The following TIGD4 variants were observed in gnomAD, a reference collection of about 807,000 sequenced individuals.
TIGD4 encodes the protein tigger transposable element derived 4.
In TIGD4, 20 loss-of-function variants were observed where a neutral mutation model predicts 24.9. That is an observed-to-expected ratio of 0.80 (90% CI 0.56 to 1.17). TIGD4 has a LOEUF of 1.17. Among genes scored for constraint, TIGD4 ranks in the 50% most tolerant of loss-of-function variants. TIGD4 has a pLI of 0.00. For missense variants in TIGD4, 566 were observed against 591.0 expected (o/e 0.96, Z 0.44); for synonymous variants, 193 against 211.0 (o/e 0.91, Z 0.74).
chr4:152,772,845 G>A (rs1203951928), intron 1 of TIGD4, among the ~76,000 whole-genome samples: 1 of 151,978 alleles, frequency 6.6e-6, no homozygotes, highest in East Asian at 1.9e-4. Flanking sequence ...CCAAGTAGCT[G>A]GGACTACAGG....
chr4:152,774,278 G>A (rs568144018), intron 1 of TIGD4, among the ~76,000 whole-genome samples: 1 of 152,276 alleles, frequency 6.6e-6, no homozygotes, highest in African/African-American at 2.4e-5. Flanking sequence ...GGAAGATTAG[G>A]TTTTTCCCCT....
chr4:152,771,675 G>A (rs1010200866), intron 1 of TIGD4, 133 bp from the exon 2 acceptor site: 1 of 152,128 alleles, frequency 6.6e-6, no homozygotes, highest in African/African-American at 2.4e-5. Context: ...ATACAATAAA[G>A]TTTCCAAGAG....
intron 1 of TIGD4, among the ~76,000 whole-genome samples, chr4:152,775,409 C>T (rs2149806846): frequency 6.6e-6 from 1 of 152,286 alleles, no homozygotes; most frequent in African/African-American, 2.4e-5. Flanking sequence ...TAGGGTCTCA[C>T]AAGGTAGAAA....
chr4:152,778,545 G>A (rs982288814), intron 1 of TIGD4, among the ~76,000 whole-genome samples: 1 of 152,198 alleles, frequency 6.6e-6, no homozygotes, highest in Non-Finnish European at 1.5e-5. Flanking sequence ...GTTTGAGTGG[G>A]TTGGCATATA....
At position 152,770,868 on chromosome 4, in the gene TIGD4, T is replaced by C. The variant is rs778722455; in HGVS notation, c.137A>G (p.Tyr46Cys). Residue 46 changes from tyrosine to cysteine, a missense_variant, in exon 2 of 2, where the codon TAT (tyrosine) becomes TGT (cysteine). Physicochemically the swap from Tyr to Cys is radical, Grantham distance 194 (BLOSUM62 -2). Transcript: ENST00000304337. ...GKKKAEIAAEYGIKKNSLSSI... is the reference protein window; with the variant it reads ...GKKKAEIAAECGIKKNSLSSI... Reference sequence around the variant, plus strand: ...AGACAATGAATTTTTCTTTATTCCATATTCAGCAGCAATCTCTGCTTTTTT... The same window carrying C: ...AGACAATGAATTTTTCTTTATTCCACATTCAGCAGCAATCTCTGCTTTTTT... 6.2e-7 allele frequency: 1 copy of C among 1,613,950 alleles called. No individual in the cohort carries two copies. Among genetic ancestry groups the C allele is most frequent in the Non-Finnish European group, 8.5e-7 (1 of 1,179,894 alleles).
At chr4:152,772,762 T>TA (rs10691574) in intron 1 of TIGD4, among the ~76,000 whole-genome samples, 10 of 151,782 alleles carry the variant, frequency 6.6e-5, no homozygotes, top group African/African-American at 2.4e-4. Flanking sequence ...CCCAGGCTGG[T>TA]ATACAGTGGC....
chr4:152,777,486 A>G (rs1283320967), intron 1 of TIGD4, among the ~76,000 whole-genome samples: 1 of 151,536 alleles, frequency 6.6e-6, no homozygotes, highest in African/African-American at 2.4e-5. Flanking sequence ...GGGTCCCCCA[A>G]GTTTTAGGGC....
At position 152,775,871 on chromosome 4, in the gene TIGD4, AG is replaced by A. The variant is rs1469736541; in HGVS notation, c.-539+3610del. On this transcript the variant is annotated intron_variant, in intron 1 of 1. Transcript: ENST00000304337. ...GGAAGTAATATCCCATCATGTTCAC[AG>A]GGAGAGGGAATTATACAAGGTAAGT... Among the ~76,000 whole-genome samples the A allele has an allele frequency of 4.6e-5, 7 of 152,218 alleles. No individual in the cohort carries two copies. The East Asian group carries it at 1.3e-3, about 29-fold the overall frequency.
Position 152,769,364 on chromosome 4 carries a change from T to C in TIGD4, c.*102A>G. 1 of 804,900 alleles carries C rather than the reference T, an allele frequency of 1.2e-6. No homozygotes were observed. The highest frequency in any genetic ancestry group is 1.8e-6 in the Non-Finnish European group (1 of 562,892). 49.9% of individuals were successfully genotyped at this position (804,900 alleles called of 1,614,324 possible). A position where few individuals can be genotyped will look rare whatever the true frequency, so the allele number is the denominator to read the frequency against. ...CAATTAAACCAAGGATTAGCAGTTT[T>C]CCATTTTTTATGTTTAAGTGGTGTG... On this transcript the variant is annotated 3_prime_UTR_variant, in exon 2 of 2. Transcript: ENST00000304337.
At chr4:152,779,313 T>C (rs1730339896) in intron 1 of TIGD4, among the ~76,000 whole-genome samples, 169 bp downstream of exon 1, 1 of 152,184 alleles carries the variant, frequency 6.6e-6, no homozygotes, top group East Asian at 1.9e-4. Flanking sequence ...CGATCACAAA[T>C]CCAGAGCAAG....
rs773105911 is a variant in TIGD4, at chr4:152,770,205, T to A, written c.800A>T (p.Gln267Leu). 5.0e-6 allele frequency: 8 copies of A among 1,614,124 alleles called. No homozygotes were observed. Among genetic ancestry groups the A allele is most frequent in the Non-Finnish European group, 5.9e-6 (7 of 1,179,966 alleles). Residue 267 changes from glutamine (Q) to leucine (L), a missense_variant, in exon 2 of 2, where the codon CAA becomes CTA. By Grantham distance (113) the Gln-to-Leu change is moderately radical. Coordinates refer to ENST00000304337, the MANE Select transcript of TIGD4 (RefSeq NM_145720.4). ...TTCCTCATCAAGCTTTCGCATCCAT[T>A]GTTCAAATACATCGGAGGTCATCCA... is the stretch of plus-strand genomic sequence containing the variant. The part of the protein sequence containing the change: ...MAWMTSDVFE[Q>L]WMRKLDEEFQ...
rs149252209 is a variant in TIGD4 at position 152,770,601 on chromosome 4, C to T, written c.404G>A (p.Arg135His). The change falls in exon 2 of 2, where the codon CGT becomes CAT. Residue 135 changes from arginine to histidine, a missense_variant. Physicochemically the swap from Arg to His is conservative, Grantham distance 29. Coordinates refer to ENST00000304337, the MANE Select transcript of TIGD4 (RefSeq NM_145720.4). ...TACTAAACCATACCTGGATTTAAAA[C>T]GATCCAGCCAACCATTACTGCACTT... ...DFKCSNGWLD[R>H]FKSRYGLVFR... 1.2e-4 allele frequency: 193 copies of T among 1,606,330 alleles called. 3 individuals carry two copies. In the South Asian group the frequency reaches 1.3e-3, roughly 11 times the overall value.
intron 1 of TIGD4, among the ~76,000 whole-genome samples, chr4:152,772,357 A>C (rs75087938): frequency 6.6e-6 from 1 of 151,860 alleles, no homozygotes; most frequent in African/African-American, 2.4e-5. Flanking sequence ...AAAAAAAAAA[A>C]GGTGCCAGGC....
chr4:152,779,686 G>A lies in TIGD4; in HGVS notation c.-743C>T, dbSNP rs1025141614. ...CCTTCGACCTCTCAAGACCAGGCAGGGGCGCCCTTCCGCAAGCTCCCAGCT... is the reference window on the plus strand; with the variant it reads ...CCTTCGACCTCTCAAGACCAGGCAGAGGCGCCCTTCCGCAAGCTCCCAGCT... On this transcript the variant is annotated 5_prime_UTR_variant, in exon 1 of 2. Coordinates refer to ENST00000304337, the MANE Select transcript of TIGD4 (RefSeq NM_145720.4). 2.6e-5 allele frequency: 4 copies of A among 152,304 alleles called. No homozygotes were observed. The highest frequency in any genetic ancestry group is 5.9e-5 in the Non-Finnish European group (4 of 68,116). 9.4% of individuals were successfully genotyped at this position (152,304 alleles called of 1,614,324 possible).
At position 152,771,184 on chromosome 4, in the gene TIGD4, A is replaced by G; in HGVS notation, c.-180T>C. The G allele has an allele frequency of 2.9e-6, 2 of 679,124 alleles. No individual in the cohort carries two copies. Among genetic ancestry groups the G allele is most frequent in the Non-Finnish European group, 4.5e-6 (2 of 444,800 alleles). 42.1% of individuals were successfully genotyped at this position (679,124 alleles called of 1,614,324 possible). A position where few individuals can be genotyped will look rare whatever the true frequency, so the allele number is the denominator to read the frequency against. On this transcript the variant is annotated 5_prime_UTR_variant, in exon 2 of 2. Coordinates refer to ENST00000304337, the MANE Select transcript of TIGD4 (RefSeq NM_145720.4). ...GATGACAAAATATGCTTTTTCAAAG[A>G]TCTGAAGAAAAATATTATATGCAAC...
At chr4:152,772,865 C>T (rs146361160) in intron 1 of TIGD4, among the ~76,000 whole-genome samples, 2 of 152,298 alleles carry the variant, frequency 1.3e-5, no homozygotes, top group African/African-American at 4.8e-5. Context: ...GCACACGCCA[C>T]CACGTCCAGC....
rs751891801 is a variant in TIGD4 at position 152,769,760 on chromosome 4, T to C, written c.1245A>G (p.Leu415=). The part of the protein sequence containing the change: ...LGAGVEFPEG[L]SIEEYAALDD... ...CCAGGGCAGCATATTCTTCTATAGA[T>C]AAACCTTCAGGAAATTCTACTCCTG... The change falls in exon 2 of 2, where the codon TTA becomes TTG. Residue 415 remains leucine (L), a synonymous_variant. Transcript: ENST00000304337. 4.3e-6 allele frequency: 7 copies of C among 1,613,756 alleles called. No homozygotes were observed. Among genetic ancestry groups the C allele is most frequent in the Middle Eastern group, 1.6e-4 (1 of 6,062 alleles).
chr4:152,770,543 T>A lies in TIGD4; in HGVS notation c.462A>T (p.Val154=), dbSNP rs995029177. 6.2e-7 allele frequency: 1 copy of A among 1,613,100 alleles called. No homozygotes were observed. The highest frequency in any genetic ancestry group is 1.1e-5 in the South Asian group (1 of 90,910). Residue 154 remains valine, a synonymous_variant, in exon 2 of 2, where the codon GTA becomes GTT. Transcript: ENST00000304337. ...FRAQPVEATG[V]PVDPSTVWYQ... ...ACCAGACAGTCGAAGGGTCTACTGG[T>A]ACACCTGTAGCTTCTACAGGTTGAG...
chr4:152,777,303 T>A (rs1466621119), intron 1 of TIGD4, among the ~76,000 whole-genome samples: 2 of 152,126 alleles, frequency 1.3e-5, no homozygotes, highest in Admixed American at 1.3e-4. Context: ...AGCACCTGAT[T>A]TTTCAAAAGC....
Sources: allele counts gnomAD v4.1 joint callset (sites outside exome capture counted in the v4.1 genomes callset), GRCh38; gene constraint gnomAD v4.1.1; transcripts MANE v1.5; gene names NCBI Gene and HGNC (gene_info 2026-07-23, HGNC 2026-07-21).